Variants in ZFYVE16 observed in about 807,000 individuals in gnomAD.
ZFYVE16 encodes the protein zinc finger FYVE-type containing 16.
A neutral mutation model predicts 138.1 loss-of-function variants in ZFYVE16; 89 were observed. The ratio of observed to expected loss-of-function variants is 0.64; its 90% CI spans 0.54 to 0.77. The LOEUF (loss-of-function observed/expected upper bound fraction) is 0.77. Ranked by LOEUF, ZFYVE16 falls within the 30% of genes least tolerant of loss-of-function variation. The probability of loss-of-function intolerance (pLI) is 0.00; values close to 1 mark genes in which losing one functional copy is unlikely to be tolerated. For synonymous variants in ZFYVE16, 596 were observed against 618.3 expected (o/e 0.96, Z 0.53); for missense variants, 1,793 against 1,786.7 (o/e 1.00, Z -0.06).
At chr5:80,469,862 A>G (rs401612) in intron 15 of ZFYVE16, among the ~76,000 whole-genome samples, 116,738 of 150,162 alleles carry the variant, frequency 0.78, 48,433 homozygotes, top group East Asian at 0.92. Flanking sequence ...TTGGGCTTTC[A>G]GTTTTAGTTA....
chr5:80,443,359 A>G (rs560062661), intron 6 of ZFYVE16, 75 bp downstream of exon 6: 2 of 1,504,932 alleles, frequency 1.3e-6, no homozygotes, highest in East Asian at 2.4e-5. Context: ...GCCAGAGTCT[A>G]GTCAGGAAAG....
chr5:80,461,192 T>C (rs1753069403), intron 15 of ZFYVE16, among the ~76,000 whole-genome samples: 1 of 152,192 alleles, frequency 6.6e-6, no homozygotes, highest in African/African-American at 2.4e-5. Flanking sequence ...GCTCAGCTGC[T>C]AAGTATATAA....
intron 1 of ZFYVE16, among the ~76,000 whole-genome samples, chr5:80,426,323 G>A (rs1748071359): frequency 6.7e-6 from 1 of 149,850 alleles, no homozygotes; most frequent in Non-Finnish European, 1.5e-5. Context: ...GGATACATGT[G>A]CAGGATGTGC....
At chr5:80,410,482 A>G (rs1170949665) in intron 1 of ZFYVE16, 1 of 152,142 alleles carries the variant, frequency 6.6e-6, no homozygotes, top group Non-Finnish European at 1.5e-5. Context: ...TTGTCTGTTG[A>G]TGTTATTTGC....
chr5:80,469,808 T>C (rs1754119672), intron 15 of ZFYVE16, among the ~76,000 whole-genome samples: 1 of 52,730 alleles, frequency 1.9e-5, no homozygotes, highest in Non-Finnish European at 8.3e-5. Flanking sequence ...TGTTCTCCAA[T>C]TATTTTTTTT....
intron 11 of ZFYVE16, chr5:80,454,288 A>C (rs1260083295): frequency 6.6e-6 from 1 of 152,202 alleles, no homozygotes; most frequent in African/African-American, 2.4e-5. Flanking sequence ...CTTAAGACCT[A>C]ACTTGAGAAC....
At chr5:80,420,292 T>C (rs1182031852) in intron 1 of ZFYVE16, among the ~76,000 whole-genome samples, 1 of 151,792 alleles carries the variant, frequency 6.6e-6, no homozygotes, top group African/African-American at 2.4e-5. Flanking sequence ...TTTATTATTA[T>C]TTATTATTAT....
rs1406850727 is a variant in ZFYVE16 at position 80,451,699 on chromosome 5, A to G, written c.3597A>G (p.Ala1199=). 3.1e-6 allele frequency: 5 copies of G among 1,612,930 alleles called. No individual in the cohort carries two copies. In the South Asian group the frequency reaches 5.5e-5, roughly 18 times the overall value. Residue 1199 remains alanine, a synonymous_variant, in exon 11 of 19, where the codon GCA becomes GCG. Coordinates refer to ENST00000505560, the MANE Select transcript of ZFYVE16 (RefSeq NM_001284236.3). The part of the protein sequence containing the change: ...FPMRLMLRLG[A]EYKAYPAPLT... The stretch of plus-strand genomic sequence containing the variant: ...TGCGTTTAATGTTGAGATTGGGTGC[A>G]GAATATAAAGGTAAGTTTTAGAGTA...
chr5:80,461,009 A>G (rs1172678185), intron 15 of ZFYVE16, among the ~76,000 whole-genome samples: 1 of 152,172 alleles, frequency 6.6e-6, no homozygotes, highest in African/African-American at 2.4e-5. Flanking sequence ...CTATATTTTT[A>G]AAAGAAAAAG....
At position 80,445,180 on chromosome 5, in the gene ZFYVE16, T is replaced by C. The variant is rs112528789; in HGVS notation, c.2582-83T>C. On this transcript the variant is annotated intron_variant, in intron 6 of 18. Coordinates refer to ENST00000505560, the MANE Select transcript of ZFYVE16 (RefSeq NM_001284236.3). ...TTGCCAGTGGATAGCAAAAAGCTTTTGAAAACATTTCACAATCTTTTTGGC... is the reference window on the plus strand; with the variant it reads ...TTGCCAGTGGATAGCAAAAAGCTTTCGAAAACATTTCACAATCTTTTTGGC... 1,549 of 1,517,576 alleles carry C rather than the reference T, an allele frequency of 1.0e-3. 12 individuals are homozygous for C. The African/African-American group carries it at 0.018, about 18-fold the overall frequency. 94.0% of individuals were successfully genotyped at this position (1,517,576 alleles called of 1,614,324 possible). A position where few individuals can be genotyped will look rare whatever the true frequency, so the allele number is the denominator to read the frequency against.
intron 18 of ZFYVE16, 137 bp downstream of exon 18, chr5:80,474,967 A>AT (rs1754753565): frequency 4.4e-6 from 4 of 913,860 alleles, no homozygotes; most frequent in East Asian, 2.7e-5. Flanking sequence ...CTTCACATAT[A>AT]TTATCTGTAT....
chr5:80,437,325 A>C lies in ZFYVE16; in HGVS notation c.640A>C (p.Thr214Pro). ...AGAATTGGGTATAAAAGTAGATACAACACTTTCAGATTCCTATAATTACAG... is the reference window on the plus strand; with the variant it reads ...AGAATTGGGTATAAAAGTAGATACACCACTTTCAGATTCCTATAATTACAG... ...IKELGIKVDT[T>P]LSDSYNYSGT... Residue 214 changes from threonine (T) to proline (P), a missense_variant, in exon 4 of 19, where the codon ACA (threonine) becomes CCA (proline). Transcript: ENST00000505560. The C allele has an allele frequency of 6.2e-7, 1 of 1,603,110 alleles. No homozygotes were observed. Among genetic ancestry groups the C allele is most frequent in the Non-Finnish European group, 8.5e-7 (1 of 1,175,758 alleles).
At chr5:80,456,243 G>T in intron 12 of ZFYVE16, 1 of 385,844 alleles carries the variant, frequency 2.6e-6, no homozygotes, top group Admixed American at 4.7e-5. Context: ...ATAGAAAAAT[G>T]TTTCAGTGGA....
intron 5 of ZFYVE16, chr5:80,440,941 G>A: frequency 1.0e-6 from 1 of 985,332 alleles, no homozygotes; most frequent in African/African-American, 1.7e-5. Context: ...TCTGATGTGA[G>A]TCTGTTAGCC....
In ZFYVE16 at chr5:80,426,232, G is replaced by A. The variant is rs1329793763; in HGVS notation, c.-93-1260G>A. ...TGTGTGTGTGTGTGTGTGTGTGTAT[G>A]TGTGTGTGTCTGTGTGTGTGTGTGT... On this transcript the variant is annotated intron_variant, in intron 1 of 18. Transcript: ENST00000505560. Among the ~76,000 whole-genome samples, 3 of 137,594 alleles carry A rather than the reference G, an allele frequency of 2.2e-5. No homozygotes were observed. In the Admixed American group the frequency reaches 2.3e-4, roughly 11 times the overall value. 90.3% of individuals were successfully genotyped at this position (137,594 alleles called of 152,430 possible).
intron 5 of ZFYVE16, among the ~76,000 whole-genome samples, chr5:80,442,412 G>A (rs1443005621): frequency 6.6e-6 from 1 of 152,178 alleles, no homozygotes; most frequent in Non-Finnish European, 1.5e-5. Context: ...CTGGTCTTAG[G>A]TGGTATTTTT....
intron 15 of ZFYVE16, among the ~76,000 whole-genome samples, chr5:80,460,606 C>CT (rs1027820102): frequency 2.0e-5 from 3 of 152,098 alleles, no homozygotes; most frequent in Admixed American, 6.6e-5. Context: ...AATCCAGTGA[C>CT]TTTTTTTGTC....
intron 1 of ZFYVE16, among the ~76,000 whole-genome samples, chr5:80,418,319 C>G (rs1207009884): frequency 1.4e-5 from 2 of 144,092 alleles, no homozygotes; most frequent in Non-Finnish European, 3.1e-5. Flanking sequence ...CTCCCCTCCC[C>G]CTCCTTTCTT....
chr5:80,450,154 C>CT (rs1245122865), intron 9 of ZFYVE16, among the ~76,000 whole-genome samples: 1 of 152,120 alleles, frequency 6.6e-6, no homozygotes. Context: ...CATAATGTAT[C>CT]TGTCAGCTTT....
Sources: gnomAD v4.1 joint callset for allele counts (sites outside exome capture counted in the v4.1 genomes callset) on GRCh38, gnomAD v4.1.1 for gene constraint, MANE v1.5 for transcripts, NCBI Gene and HGNC (gene_info 2026-07-23, HGNC 2026-07-21) for gene names.